Variants in PDE7A observed in about 807,000 individuals in gnomAD.
PDE7A encodes high affinity 3',5'-cyclic-AMP phosphodiesterase 7A.
In PDE7A, 39 loss-of-function variants were observed where a neutral mutation model predicts 64.3. The ratio of observed to expected loss-of-function variants is 0.61; its 90% CI spans 0.47 to 0.79. The LOEUF (loss-of-function observed/expected upper bound fraction) is 0.79, where lower values mean the gene tolerates loss of function less well. PDE7A is among the 30% of genes least tolerant of loss of function. The pLI, the probability that PDE7A is intolerant of heterozygous loss-of-function variation, is 0.00. For missense variants in PDE7A, 470 were observed against 582.8 expected (o/e 0.81, Z 1.99); for synonymous variants, 203 against 206.8 (o/e 0.98, Z 0.16).
At position 65,818,650 on chromosome 8, in the gene PDE7A, AAG is replaced by A. The variant is rs574958284; in HGVS notation, c.138+22719_138+22720del. On this transcript the variant is annotated intron_variant, in intron 1 of 12. Transcript: ENST00000401827. Reference sequence around the variant, plus strand: ...AGTTTGCTCTGAGTTGAACTTCCCAAAGAGAGAAATTTCAAGTCTCCTATGTG... The same window carrying A: ...AGTTTGCTCTGAGTTGAACTTCCCAAAGAGAAATTTCAAGTCTCCTATGTG... Among the ~76,000 whole-genome samples, 74 of 152,322 alleles carry A rather than the reference AAG, an allele frequency of 4.9e-4. 1 individual carries two copies. The highest frequency in any genetic ancestry group is 4.8e-3 in the Admixed American group (74 of 15,306).
At chr8:65,773,498 C>A (rs574937964) in intron 3 of PDE7A, among the ~76,000 whole-genome samples, 38 of 152,338 alleles carry the variant, frequency 2.5e-4, no homozygotes, top group African/African-American at 8.7e-4. Flanking sequence ...AAAGCTTCCA[C>A]ATCACTGGAT....
intron 1 of PDE7A, among the ~76,000 whole-genome samples, chr8:65,835,909 C>A (rs890743072): frequency 2.1e-4 from 32 of 152,166 alleles, no homozygotes; most frequent in Non-Finnish European, 4.4e-5. Flanking sequence ...GAACTACACT[C>A]CCACTCCAAA....
intron 1 of PDE7A, among the ~76,000 whole-genome samples, chr8:65,800,122 T>C (rs1418944725): frequency 1.3e-4 from 20 of 152,216 alleles, no homozygotes; most frequent in Non-Finnish European, 1.3e-4. Context: ...AAATAACATC[T>C]GAACATATGT....
At chr8:65,837,725 T>C (rs1398385187) in intron 1 of PDE7A, among the ~76,000 whole-genome samples, 1 of 152,228 alleles carries the variant, frequency 6.6e-6, no homozygotes, top group Non-Finnish European at 1.5e-5. Flanking sequence ...TTCTCACACT[T>C]ACACAAATGT....
chr8:65,815,448 T>C (rs1404081493), intron 1 of PDE7A, among the ~76,000 whole-genome samples: 1 of 152,136 alleles, frequency 6.6e-6, no homozygotes, highest in Non-Finnish European at 1.5e-5. Flanking sequence ...GAAACAAAAT[T>C]TGAGATTTAA....
chr8:65,718,027 G>A lies in PDE7A; in HGVS notation c.*1263C>T, dbSNP rs1274820666. The A allele has an allele frequency of 6.6e-6, 1 of 152,184 alleles. No individual in the cohort carries two copies. Among genetic ancestry groups the A allele is most frequent in the Non-Finnish European group, 1.5e-5 (1 of 68,032 alleles). The allele number at this position is 152,184 out of a possible 1,614,324, so 9.4% of individuals were successfully genotyped here. On this transcript the variant is annotated 3_prime_UTR_variant, in exon 13 of 13. Transcript: ENST00000401827. ...TGTTCACATCAAAAGGCCCGTCAAA[G>A]GGTAACGTTTCATCAAAGGGAGGGA... is the stretch of plus-strand genomic sequence containing the variant.
chr8:65,754,880 G>A (rs1259313751), intron 3 of PDE7A, among the ~76,000 whole-genome samples: 11 of 149,474 alleles, frequency 7.4e-5, no homozygotes, highest in East Asian at 2.1e-4. Context: ...CAGGAGAATC[G>A]CCTGAACCCG....
chr8:65,796,159 T>C (rs1809837492), intron 1 of PDE7A, among the ~76,000 whole-genome samples: 1 of 150,716 alleles, frequency 6.6e-6, no homozygotes, highest in Admixed American at 6.6e-5. Context: ...AATCTGAACC[T>C]GTGAGCCTGC....
intron 1 of PDE7A, among the ~76,000 whole-genome samples, chr8:65,826,021 T>C (rs1257065957): frequency 2.0e-5 from 3 of 152,100 alleles, no homozygotes; most frequent in African/African-American, 7.2e-5. Flanking sequence ...GGGCTGACAC[T>C]TGAATGACAT....
At chr8:65,814,736 G>C (rs896413368) in intron 1 of PDE7A, among the ~76,000 whole-genome samples, 1 of 152,034 alleles carries the variant, frequency 6.6e-6, no homozygotes, top group African/African-American at 2.4e-5. Context: ...AGGTGTGGTG[G>C]CTCATGCCTA....
chr8:65,795,957 G>T (rs975818369), intron 1 of PDE7A, among the ~76,000 whole-genome samples: 1 of 150,400 alleles, frequency 6.6e-6, no homozygotes, highest in African/African-American at 2.4e-5. Context: ...TGAAAAAAAA[G>T]AAACTAAAAA....
intron 1 of PDE7A, among the ~76,000 whole-genome samples, chr8:65,787,790 A>C (rs1170004700): frequency 7.1e-6 from 1 of 141,032 alleles, no homozygotes; most frequent in Non-Finnish European, 1.6e-5. Context: ...AGGGGGGGGA[A>C]AAAAAAAAAG....
chr8:65,829,144 A>G (rs73693435), intron 1 of PDE7A, among the ~76,000 whole-genome samples: 2 of 152,146 alleles, frequency 1.3e-5, no homozygotes, highest in Non-Finnish European at 2.9e-5. Context: ...CATTTCATAC[A>G]TAACAGTGCT....
intron 3 of PDE7A, among the ~76,000 whole-genome samples, chr8:65,766,918 G>T (rs532928421): frequency 1.3e-5 from 2 of 152,256 alleles, no homozygotes; most frequent in African/African-American, 4.8e-5. Context: ...GAGAGTTGAG[G>T]AAGTTTCTCA....
At chr8:65,734,766 T>C in intron 7 of PDE7A, 28 bp downstream of exon 7, 1 of 1,252,374 alleles carries the variant, frequency 8.0e-7, no homozygotes, top group Non-Finnish European at 1.2e-6. Context: ...CTTATGATTT[T>C]CACCTGAAAT....
At chr8:65,806,155 A>G (rs949686520) in intron 1 of PDE7A, among the ~76,000 whole-genome samples, 2 of 152,258 alleles carry the variant, frequency 1.3e-5, no homozygotes, top group Non-Finnish European at 1.5e-5. Flanking sequence ...TGGTTGACTA[A>G]CTGTAAAAGT....
chr8:65,729,364 CTTTTTTTTT>C (rs10540107), intron 7 of PDE7A, among the ~76,000 whole-genome samples: 1 of 80,080 alleles, frequency 1.2e-5, no homozygotes, highest in Admixed American at 1.5e-4. Flanking sequence ...TTGGTGGTAG[CTTTTTTTTT>C]TTTTTTTTTT....
chr8:65,775,662 C>G (rs1362501405), intron 3 of PDE7A, among the ~76,000 whole-genome samples: 1 of 152,238 alleles, frequency 6.6e-6, no homozygotes, highest in Non-Finnish European at 1.5e-5. Context: ...AAGTCTCGCT[C>G]TGTAGCCAAG....
rs531671553 is a variant in PDE7A at position 65,746,614 on chromosome 8, T to C, written c.435+1038A>G. 2.0e-5 allele frequency among the ~76,000 whole-genome samples: 3 copies of C among 152,254 alleles called. No individual in the cohort carries two copies. In the East Asian group the frequency reaches 5.8e-4, roughly 29 times the overall value. On this transcript the variant is annotated intron_variant, in intron 4 of 12. Transcript: ENST00000401827. The stretch of plus-strand genomic sequence containing the variant: ...CTTTTTCTAGAAAAAAACTTATATT[T>C]TATATCCAAAAGTTCACTGTTGTAT...
Sources: allele counts gnomAD v4.1 joint callset (sites outside exome capture counted in the v4.1 genomes callset), GRCh38; gene constraint gnomAD v4.1.1; transcripts MANE v1.5; gene names NCBI Gene and HGNC (gene_info 2026-07-23, HGNC 2026-07-21).